EFNA2: variants seen among roughly 807,000 people sequenced by gnomAD.
EFNA2 encodes ephrin A2.
In EFNA2, 18 loss-of-function variants were observed where a neutral mutation model predicts 19.7. The ratio of observed to expected loss-of-function variants is 0.91; its 90% CI spans 0.63 to 1.35. The LOEUF (loss-of-function observed/expected upper bound fraction) is 1.35. EFNA2 is among the 40% of genes most tolerant of loss of function. The pLI is 0.00. For synonymous variants in EFNA2, 187 were observed against 137.8 expected, an observed-to-expected ratio of 1.36 and a Z score of -2.50; for missense variants, 303 against 296.0, an observed-to-expected ratio of 1.02 and a Z score of -0.17.
rs1280743624 is a variant in EFNA2, at chr19:1,294,819, C to T, written c.141-726C>T. Among the ~76,000 whole-genome samples the T allele has an allele frequency of 6.6e-6, 1 of 151,952 alleles. No individual in the cohort carries two copies. Among genetic ancestry groups the T allele is most frequent in the Non-Finnish European group, 1.5e-5 (1 of 67,958 alleles). On this transcript the variant is annotated intron_variant, in intron 1 of 3. Coordinates refer to ENST00000215368, the MANE Select transcript of EFNA2 (RefSeq NM_001405.4). The surrounding 1 kb of genome is among the most constrained non-coding windows in gnomAD (Gnocchi z 5.8). ...TGGAATGCCCGACCTGTGTCCCCCA[C>T]GCTGCCCCGGTCCTTCTCAACAGGT...
In EFNA2 at chr19:1,295,971, C is replaced by T; in HGVS notation, c.454+113C>T. On this transcript the variant is annotated intron_variant, in intron 2 of 3. Transcript: ENST00000215368. The surrounding 1 kb of genome is among the most constrained non-coding windows in gnomAD (Gnocchi z 5.8). Reference sequence around the variant, plus strand: ...GGGCCGGGGAGTGGGCGGGGCAGCGCAGTGGGCGGGGCCGCGGTGTGGGGC... The same window carrying T: ...GGGCCGGGGAGTGGGCGGGGCAGCGTAGTGGGCGGGGCCGCGGTGTGGGGC... 1 of 733,778 alleles carries T rather than the reference C, an allele frequency of 1.4e-6. No homozygotes were observed. 45.5% of individuals were successfully genotyped at this position (733,778 alleles called of 1,614,324 possible). A position where few individuals can be genotyped will look rare whatever the true frequency, so the allele number is the denominator to read the frequency against.
chr19:1,299,211 C>T (rs2081529241), intron 3 of EFNA2, among the ~76,000 whole-genome samples: 1 of 151,710 alleles, frequency 6.6e-6, no homozygotes, highest in Non-Finnish European at 1.5e-5. Flanking sequence ...GCTCTCCAGT[C>T]TGGGTGATAT....
intron 1 of EFNA2, among the ~76,000 whole-genome samples, chr19:1,290,899 T>G (rs1017038601): frequency 6.6e-6 from 1 of 152,208 alleles, no homozygotes; most frequent in Non-Finnish European, 1.5e-5. Context: ...GCCGAGTCGG[T>G]CCTGGTGGGG....
chr19:1,298,687 T>A, intron 3 of EFNA2, 71 bp downstream of exon 3: 1 of 1,557,360 alleles, frequency 6.4e-7, no homozygotes. Flanking sequence ...AACCAGTGAG[T>A]GTTCAGAAGA....
Position 1,287,574 on chromosome 19 carries a change from C to G in EFNA2, c.140+1266C>G, listed in dbSNP as rs531860574. Among the ~76,000 whole-genome samples the G allele has an allele frequency of 3.5e-3, 531 of 152,238 alleles. 2 individuals carry two copies. Among genetic ancestry groups the G allele is most frequent in the African/African-American group, 0.012 (500 of 41,540 alleles). On this transcript the variant is annotated intron_variant, in intron 1 of 3. Coordinates refer to ENST00000215368, the MANE Select transcript of EFNA2 (RefSeq NM_001405.4). This position sits in a 1 kb window ranked among gnomAD's most constrained non-coding sequence, Gnocchi z 6.2. ...TCGGGGACAAGGGCGGCCCGTGTTC[C>G]GCCGTGGGGGTGGGGAACACGCACA...
rs1224470150 is a variant in EFNA2 at position 1,299,994 on chromosome 19, C to G, written c.*49C>G. 1.3e-6 allele frequency: 2 copies of G among 1,552,208 alleles called. No individual in the cohort carries two copies. Among genetic ancestry groups the G allele is most frequent in the Non-Finnish European group, 1.7e-6 (2 of 1,155,350 alleles). ...CCTGCCTGGACGGCCCCGCCTGGAC[C>G]GCCTGACCTCGGCCCTCCGGACCCG... is the stretch of plus-strand genomic sequence containing the variant. On this transcript the variant is annotated 3_prime_UTR_variant, in exon 4 of 4. Coordinates refer to ENST00000215368, the MANE Select transcript of EFNA2 (RefSeq NM_001405.4).
intron 1 of EFNA2, among the ~76,000 whole-genome samples, chr19:1,290,777 C>G (rs970628593): frequency 4.6e-5 from 7 of 152,158 alleles, no homozygotes; most frequent in Non-Finnish European, 2.9e-5. Flanking sequence ...GAGCTGCTCC[C>G]GTCCCTGTGC....
rs777018828 is a variant in EFNA2 at position 1,295,596 on chromosome 19, C to T, written c.192C>T (p.Ser64=). ...DDGGGYTVEV[S]INDYLDIYCP... The stretch of plus-strand genomic sequence containing the variant: ...GCGGGGGCTACACGGTGGAGGTGAG[C>T]ATCAATGACTACCTGGACATCTACT... The change falls in exon 2 of 4, where the codon AGC becomes AGT. Residue 64 remains serine (S), a synonymous_variant. Transcript: ENST00000215368. This position sits in a 1 kb window ranked among gnomAD's most constrained non-coding sequence, Gnocchi z 5.8. 3.7e-6 allele frequency: 6 copies of T among 1,610,618 alleles called. No homozygotes were observed. The highest frequency in any genetic ancestry group is 5.1e-6 in the Non-Finnish European group (6 of 1,179,116).
chr19:1,287,442 G>A lies in EFNA2; in HGVS notation c.140+1134G>A, dbSNP rs1355920910. Among the ~76,000 whole-genome samples the A allele has an allele frequency of 2.0e-5, 3 of 152,112 alleles. No individual in the cohort carries two copies. The highest frequency in any genetic ancestry group is 4.8e-5 in the African/African-American group (2 of 41,408). On this transcript the variant is annotated intron_variant, in intron 1 of 3. Transcript: ENST00000215368. The surrounding 1 kb of genome is among the most constrained non-coding windows in gnomAD (Gnocchi z 6.2). ...CCGTTTTCCAGCCGCTTCCTGTGCC[G>A]ACCGAGCCGCCCTCTGGAGCCCGCC...
upstream of EFNA2, among the ~76,000 whole-genome samples, chr19:1,285,697 G>C (rs996777456): frequency 2.6e-5 from 4 of 151,548 alleles, no homozygotes; most frequent in Non-Finnish European, 4.4e-5. The surrounding 1 kb of genome is among the most constrained non-coding windows in gnomAD (Gnocchi z 4.1). Context: ...GATGCCGGCG[G>C]GGGGCGCGCA....
Position 1,295,495 on chromosome 19 carries a change from GC to G in EFNA2, c.141-46del. 2 of 1,480,340 alleles carry G rather than the reference GC, an allele frequency of 1.4e-6. No individual in the cohort carries two copies. Among genetic ancestry groups the G allele is most frequent in the Non-Finnish European group, 1.8e-6 (2 of 1,117,620 alleles). 91.7% of individuals were successfully genotyped at this position (1,480,340 alleles called of 1,614,324 possible). A position where few individuals can be genotyped will look rare whatever the true frequency, so the allele number is the denominator to read the frequency against. ...GCCCTCCCCGCGCACCCCGACCCGT[GC>G]CCCGTTCCTCGCTCCGGGCGCTGAC... is the stretch of plus-strand genomic sequence containing the variant. On this transcript the variant is annotated intron_variant, in intron 1 of 3. Coordinates refer to ENST00000215368, the MANE Select transcript of EFNA2 (RefSeq NM_001405.4). The surrounding 1 kb of genome is among the most constrained non-coding windows in gnomAD (Gnocchi z 5.8).
intron 2 of EFNA2, among the ~76,000 whole-genome samples, chr19:1,298,075 A>ATC: frequency 8.9e-6 from 1 of 112,004 alleles, no homozygotes; most frequent in Non-Finnish European, 1.7e-5. Flanking sequence ...TCCATCACAA[A>ATC]AAAAAAAAAA....
At position 1,295,649 on chromosome 19, in the gene EFNA2, C is replaced by G; in HGVS notation, c.245C>G (p.Pro82Arg). 6.2e-7 allele frequency: 1 copy of G among 1,611,666 alleles called. No homozygotes were observed. The highest frequency in any genetic ancestry group is 8.5e-7 in the Non-Finnish European group (1 of 1,179,426). ...YCPHYGAPLP[P>R]AERMEHYVLY... Reference sequence around the variant, plus strand: ...CCGCACTATGGGGCGCCGCTGCCGCCGGCCGAGCGCATGGAGCACTACGTG... The same window carrying G: ...CCGCACTATGGGGCGCCGCTGCCGCGGGCCGAGCGCATGGAGCACTACGTG... Residue 82 changes from proline to arginine, a missense_variant, in exon 2 of 4, where the codon CCG becomes CGG. Transcript: ENST00000215368. This position sits in a 1 kb window ranked among gnomAD's most constrained non-coding sequence, Gnocchi z 5.8.
chr19:1,300,030 C>CCGCCTCCGAGACCAAATAGAGA lies in EFNA2; in HGVS notation c.*89_*110dup. 1 of 1,467,886 alleles carries CCGCCTCCGAGACCAAATAGAGA rather than the reference C, an allele frequency of 6.8e-7. No homozygotes were observed. Among genetic ancestry groups the CCGCCTCCGAGACCAAATAGAGA allele is most frequent in the Non-Finnish European group, 9.0e-7 (1 of 1,112,498 alleles). The allele number at this position is 1,467,886 out of a possible 1,614,324, so 90.9% of individuals were successfully genotyped here. A position where few individuals can be genotyped will look rare whatever the true frequency, so the allele number is the denominator to read the frequency against. ...GGCCCTCCGGACCCGGCTGCGGCCC[C>CCGCCTCCGAGACCAAATAGAGA]CGCCTCCGAGACCAAATAGAGACGC... On this transcript the variant is annotated 3_prime_UTR_variant, in exon 4 of 4. Transcript: ENST00000215368.
At chr19:1,293,430 C>A (rs899609164) in intron 1 of EFNA2, among the ~76,000 whole-genome samples, 3 of 152,238 alleles carry the variant, frequency 2.0e-5, no homozygotes, top group African/African-American at 7.2e-5. Flanking sequence ...GGGGCTGCCC[C>A]CGTGTCTGTG....
Position 1,295,654 on chromosome 19 carries a change from G to T in EFNA2, c.250G>T (p.Glu84Ter), listed in dbSNP as rs2081510665. ...CTATGGGGCGCCGCTGCCGCCGGCC[G>T]AGCGCATGGAGCACTACGTGCTGTA... ...PHYGAPLPPA[E>*]RMEHYVLYMV... Residue 84 changes from glutamate (E) to a stop codon, truncating the protein, a stop_gained, in exon 2 of 4, where the codon GAG becomes TAG. Transcript: ENST00000215368. LOFTEE classifies it high-confidence loss of function. This position sits in a 1 kb window ranked among gnomAD's most constrained non-coding sequence, Gnocchi z 5.8. The T allele has an allele frequency of 6.2e-7, 1 of 1,611,532 alleles. No homozygotes were observed. The highest frequency in any genetic ancestry group is 8.5e-7 in the Non-Finnish European group (1 of 1,179,412).
chr19:1,286,237 C>A lies in EFNA2; in HGVS notation c.69C>A (p.Phe23Leu). The A allele has an allele frequency of 2.7e-6, 3 of 1,128,296 alleles. No individual in the cohort carries two copies. Among genetic ancestry groups the A allele is most frequent in the Non-Finnish European group, 3.3e-6 (3 of 907,044 alleles). The allele number at this position is 1,128,296 out of a possible 1,614,324, so 69.9% of individuals were successfully genotyped here. The change falls in exon 1 of 4, where the codon TTC becomes TTA. Residue 23 changes from phenylalanine (F) to leucine (L), a missense_variant. Transcript: ENST00000215368. The surrounding 1 kb of genome is among the most constrained non-coding windows in gnomAD (Gnocchi z 5.6). Reference protein sequence around the residue: ...LLLLPLPPPPFARAEDAARAN... With the variant: ...LLLLPLPPPPLARAEDAARAN... ...TGTTACCGCTGCCGCCGCCGCCCTT[C>A]GCGCGCGCCGAGGACGCCGCCCGCG...
rs1346538895 is a variant in EFNA2 at position 1,286,283 on chromosome 19, G to A, written c.115G>A (p.Val39Ile). The A allele has an allele frequency of 6.5e-6, 7 of 1,076,400 alleles. No individual in the cohort carries two copies. Among genetic ancestry groups the A allele is most frequent in the East Asian group, 8.6e-5 (1 of 11,660 alleles). 66.7% of individuals were successfully genotyped at this position (1,076,400 alleles called of 1,614,324 possible). A position where few individuals can be genotyped will look rare whatever the true frequency, so the allele number is the denominator to read the frequency against. The change falls in exon 1 of 4, where the codon GTC becomes ATC. Residue 39 changes from valine to isoleucine, a missense_variant. By Grantham distance (29) the Val-to-Ile change is conservative. Transcript: ENST00000215368. This position sits in a 1 kb window ranked among gnomAD's most constrained non-coding sequence, Gnocchi z 5.6. ...CCGCGCCAACTCGGACCGCTACGCC[G>A]TCTACTGGAACCGCAGCAACCCCAG... ...AARANSDRYA[V>I]YWNRSNPRFH...
rs1031240450 is a variant in EFNA2 at position 1,296,478 on chromosome 19, C to T, written c.454+620C>T. The stretch of plus-strand genomic sequence containing the variant: ...GATCACTTGAGGCCAGCGTGGACAA[C>T]GTAGGGAGACCTTCTCTCTACAAAA... On this transcript the variant is annotated intron_variant, in intron 2 of 3. Transcript: ENST00000215368. This position sits in a 1 kb window ranked among gnomAD's most constrained non-coding sequence, Gnocchi z 4.4. 6.6e-6 allele frequency among the ~76,000 whole-genome samples: 1 copy of T among 152,084 alleles called. No individual in the cohort carries two copies.
Sources: allele counts gnomAD v4.1 joint callset (sites outside exome capture counted in the v4.1 genomes callset), GRCh38; gene constraint gnomAD v4.1.1; non-coding constraint Gnocchi (gnomAD v3.1); transcripts MANE v1.5; gene names NCBI Gene and HGNC (gene_info 2026-07-23, HGNC 2026-07-21).